The following ADAM12 variants were observed in gnomAD, a reference collection of about 807,000 sequenced individuals.
ADAM12 encodes ADAM metallopeptidase domain 12.
In ADAM12, 70 loss-of-function variants were observed where a neutral mutation model predicts 106.4. The observed-to-expected ratio is 0.66, with a 90% confidence interval of 0.54 to 0.80. The LOEUF (loss-of-function observed/expected upper bound fraction) is 0.80. Among genes scored for constraint, ADAM12 ranks in the 30% least tolerant of loss-of-function variants. The pLI is 0.00. For missense variants in ADAM12, 1,010 were observed against 1,171.9 expected (o/e 0.86, Z 2.02); for synonymous variants, 420 against 433.5 (o/e 0.97, Z 0.39).
At chr10:126,369,186 A>T (rs1363898817) in intron 1 of ADAM12, among the ~76,000 whole-genome samples, 1 of 152,182 alleles carries the variant, frequency 6.6e-6, no homozygotes, top group Non-Finnish European at 1.5e-5. Flanking sequence ...CAAACACAAA[A>T]AATTTAAGAG....
At chr10:126,076,413 T>G (rs1177123425) in intron 11 of ADAM12, among the ~76,000 whole-genome samples, 1 of 152,196 alleles carries the variant, frequency 6.6e-6, no homozygotes, top group Non-Finnish European at 1.5e-5. Flanking sequence ...AATGAGTTAT[T>G]TTCTTTTGGA....
Position 126,057,415 on chromosome 10 carries a change from A to G in ADAM12, c.1609+7391T>C, listed in dbSNP as rs61863633. On this transcript the variant is annotated intron_variant, in intron 14 of 22. Coordinates refer to ENST00000448723, the MANE Select transcript of ADAM12 (RefSeq NM_001288973.2). ...AACAAAAAAACAAAAAAAAAAAACA[A>G]TGCTTACTCTTATCCAGTTGGCCAG... Among the ~76,000 whole-genome samples the G allele has an allele frequency of 2.2e-3, 208 of 94,388 alleles. No homozygotes were observed. The Middle Eastern group carries it at 0.025, about 11-fold the overall frequency. The allele number at this position is 94,388 out of a possible 152,430, so 61.9% of individuals were successfully genotyped here.
At chr10:126,224,739 T>C (rs1781301849) in intron 3 of ADAM12, among the ~76,000 whole-genome samples, 1 of 152,230 alleles carries the variant, frequency 6.6e-6, no homozygotes, top group South Asian at 2.1e-4. Flanking sequence ...AAAGAGCCAC[T>C]GTCACGATGT....
intron 2 of ADAM12, among the ~76,000 whole-genome samples, chr10:126,300,377 C>T (rs1960567751): frequency 6.6e-6 from 1 of 152,178 alleles, no homozygotes; most frequent in Non-Finnish European, 1.5e-5. Flanking sequence ...ATCCATGGGG[C>T]TCTGCAGCCA....
At chr10:126,383,517 C>T (rs1856559717) in intron 1 of ADAM12, among the ~76,000 whole-genome samples, 1 of 151,938 alleles carries the variant, frequency 6.6e-6, no homozygotes, top group South Asian at 2.1e-4. Flanking sequence ...CCACTGAGTT[C>T]CTAACAATTA....
intron 4 of ADAM12, among the ~76,000 whole-genome samples, chr10:126,149,391 C>T (rs1481273329): frequency 2.0e-5 from 3 of 152,144 alleles, no homozygotes; most frequent in Admixed American, 2.0e-4. Flanking sequence ...CGTCTTCTTG[C>T]TTATTGCATT....
At chr10:126,168,389 G>A (rs1965897) in intron 3 of ADAM12, among the ~76,000 whole-genome samples, 4,234 of 152,246 alleles carry the variant, frequency 0.028, 213 homozygotes, top group African/African-American at 0.095. Context: ...TCATGCTGGA[G>A]TTTCCTCATA....
chr10:126,182,104 G>A (rs897277954), intron 3 of ADAM12, among the ~76,000 whole-genome samples: 5 of 152,220 alleles, frequency 3.3e-5, no homozygotes, highest in Admixed American at 2.0e-4. Context: ...AACCACTGAC[G>A]TATGGCACGC....
At chr10:126,036,901 T>C (rs919474392) in intron 20 of ADAM12, among the ~76,000 whole-genome samples, 1 of 152,212 alleles carries the variant, frequency 6.6e-6, no homozygotes, top group Non-Finnish European at 1.5e-5. Flanking sequence ...AATTGAGGTA[T>C]AGTTGACATA....
chr10:126,303,897 G>GT (rs1403755900), intron 2 of ADAM12, among the ~76,000 whole-genome samples: 1 of 152,114 alleles, frequency 6.6e-6, no homozygotes, highest in East Asian at 1.9e-4. Context: ...TCCCACTGTG[G>GT]TATACTATTA....
At chr10:126,145,095 A>T (rs983672685) in intron 4 of ADAM12, among the ~76,000 whole-genome samples, 2 of 152,202 alleles carry the variant, frequency 1.3e-5, no homozygotes, top group Non-Finnish European at 2.9e-5. Context: ...CTCCCAAAGC[A>T]TCTCTGTTAT....
intron 3 of ADAM12, among the ~76,000 whole-genome samples, chr10:126,269,838 C>T (rs746470999): frequency 5.3e-5 from 8 of 152,216 alleles, no homozygotes; most frequent in Non-Finnish European, 1.0e-4. Flanking sequence ...TCAAGGACGC[C>T]ACACTCTCAA....
intron 3 of ADAM12, among the ~76,000 whole-genome samples, chr10:126,189,178 T>C (rs1014909184): frequency 8.5e-5 from 13 of 152,050 alleles, no homozygotes; most frequent in African/African-American, 2.7e-4. Context: ...CCAAGTTGCA[T>C]AGAGAAGGAT....
rs556381395 is a variant in ADAM12, at chr10:126,045,745, G to A, written c.1995+310C>T. Among the ~76,000 whole-genome samples, 460 of 152,306 alleles carry A rather than the reference G, an allele frequency of 3.0e-3. 1 individual carries two copies. Among genetic ancestry groups the A allele is most frequent in the Admixed American group, 5.1e-3 (78 of 15,304 alleles). ...TGTTGGTAGTAAGAGGAACAGCACA[G>A]TTTGAAATGTTATTTTGAAACTCTT... On this transcript the variant is annotated intron_variant, in intron 17 of 22. Coordinates refer to ENST00000448723, the MANE Select transcript of ADAM12 (RefSeq NM_001288973.2).
chr10:126,172,765 C>G lies in ADAM12; in HGVS notation c.261-17460G>C, dbSNP rs532455716. 1.1e-3 allele frequency among the ~76,000 whole-genome samples: 174 copies of G among 152,232 alleles called. 1 individual carries two copies. Among genetic ancestry groups the G allele is most frequent in the Non-Finnish European group, 1.3e-3 (90 of 68,020 alleles). On this transcript the variant is annotated intron_variant, in intron 3 of 22. Coordinates refer to ENST00000448723, the MANE Select transcript of ADAM12 (RefSeq NM_001288973.2). ...AGCAATCCCATTACTGGGTATATAC[C>G]CAAAGGATTATAAATCATTCTACTA...
intron 6 of ADAM12, among the ~76,000 whole-genome samples, chr10:126,110,972 C>A (rs936767182): frequency 1.3e-5 from 2 of 152,186 alleles, no homozygotes; most frequent in Admixed American, 6.5e-5. Flanking sequence ...ACCACTCTTT[C>A]AGACAAAAGC....
chr10:126,290,857 C>G (rs760925843), intron 2 of ADAM12, among the ~76,000 whole-genome samples: 1 of 152,184 alleles, frequency 6.6e-6, no homozygotes, highest in Non-Finnish European at 1.5e-5. Context: ...TACGACCAAT[C>G]ATAGAAGGGG....
intron 2 of ADAM12, among the ~76,000 whole-genome samples, chr10:126,294,908 G>T (rs1194558192): frequency 6.7e-6 from 1 of 148,568 alleles, no homozygotes; most frequent in African/African-American, 2.5e-5. Flanking sequence ...ATGTGTGTGT[G>T]TGTGTGTATG....
At chr10:126,020,884 G>A (rs1590293303) in intron 21 of ADAM12, among the ~76,000 whole-genome samples, 1 of 151,008 alleles carries the variant, frequency 6.6e-6, no homozygotes, top group African/African-American at 2.4e-5. Context: ...CCCAGGCTAC[G>A]CAGGAGGCTG....
Sources: allele counts gnomAD v4.1 joint callset (sites outside exome capture counted in the v4.1 genomes callset), GRCh38; gene constraint gnomAD v4.1.1; transcripts MANE v1.5; gene names NCBI Gene and HGNC (gene_info 2026-07-23, HGNC 2026-07-21).